MPP7: variants seen among roughly 807,000 people sequenced by gnomAD.
The protein encoded by MPP7 is MAGUK p55 subfamily member 7.
Under a neutral mutation model 76.5 loss-of-function variants are expected in MPP7, and 60 were observed. That is an observed-to-expected ratio of 0.78 (90% CI 0.64 to 0.97). MPP7 has a LOEUF of 0.97. MPP7 is among the 50% of genes least tolerant of loss of function. The pLI, the probability that MPP7 is intolerant of heterozygous loss-of-function variation, is 0.00. For missense variants in MPP7, 641 were observed against 694.0 expected (o/e 0.92, Z 0.86); for synonymous variants, 237 against 244.5 (o/e 0.97, Z 0.29).
At chr10:28,253,317 G>A (rs545249232) in intron 1 of MPP7, among the ~76,000 whole-genome samples, 5 of 152,216 alleles carry the variant, frequency 3.3e-5, no homozygotes, top group African/African-American at 1.2e-4. Flanking sequence ...AATATGAGCT[G>A]GGGAGTTTAA....
chr10:28,238,437 T>G, intron 2 of MPP7, 131 bp downstream of exon 2: 1 of 923,866 alleles, frequency 1.1e-6, no homozygotes, highest in Non-Finnish European at 1.7e-6. Flanking sequence ...TGAGTTGATC[T>G]TATGTCCCTA....
chr10:28,147,466 G>A lies in MPP7; in HGVS notation c.315+17C>T, dbSNP rs1281425404. The A allele has an allele frequency of 2.5e-6, 4 of 1,604,520 alleles. No individual in the cohort carries two copies. The Admixed American group carries it at 5.0e-5, about 20-fold the overall frequency. On this transcript the variant is annotated intron_variant, in intron 5 of 16. Coordinates refer to ENST00000683449, the MANE Select transcript of MPP7 (RefSeq NM_001318170.2). ...CCCTGTTTGAAGGTATTTATTACCG[G>A]CGTAACATGTCCTCACCTTCACATT...
At chr10:28,089,865 T>A in intron 11 of MPP7, 24 bp from the exon 12 acceptor site, 1 of 1,273,842 alleles carries the variant, frequency 7.9e-7, no homozygotes, top group East Asian at 2.5e-5. Flanking sequence ...AATAAATATA[T>A]TTTTAGTAAC....
At chr10:28,315,254 A>C in intron 2 of MPP7, among the ~76,000 whole-genome samples, 2 of 104,770 alleles carry the variant, frequency 1.9e-5, no homozygotes, top group South Asian at 3.2e-4. Context: ...AAAGGAAGGA[A>C]GGGAGGGAGG....
chr10:28,270,473 C>T (rs1321760748), intron 1 of MPP7, among the ~76,000 whole-genome samples: 2 of 139,610 alleles, frequency 1.4e-5, no homozygotes, highest in African/African-American at 2.7e-5. Flanking sequence ...ATCACTTGAG[C>T]GCAGGAATTC....
intron 2 of MPP7, among the ~76,000 whole-genome samples, chr10:28,317,171 G>A (rs1235075144): frequency 2.0e-5 from 3 of 152,096 alleles, no homozygotes; most frequent in East Asian, 3.9e-4. Flanking sequence ...ATTTATACAC[G>A]CTAGAAAAGC....
chr10:28,332,438 T>C (rs1564775105), intron 1 of MPP7, among the ~76,000 whole-genome samples: 1 of 152,200 alleles, frequency 6.6e-6, no homozygotes, highest in Non-Finnish European at 1.5e-5. Context: ...AGTTATTATT[T>C]TACAGTTGGC....
At chr10:28,140,113 G>C (rs1463707979) in intron 5 of MPP7, among the ~76,000 whole-genome samples, 1 of 152,184 alleles carries the variant, frequency 6.6e-6, no homozygotes, top group Non-Finnish European at 1.5e-5. Flanking sequence ...AATGTCCATG[G>C]AAGGTGACCA....
intron 1 of MPP7, among the ~76,000 whole-genome samples, chr10:28,284,073 T>C (rs769091491): frequency 6.6e-6 from 1 of 152,224 alleles, no homozygotes; most frequent in Non-Finnish European, 1.5e-5. Context: ...TGAAATCATT[T>C]ATTAAGTGTA....
chr10:28,301,249 T>C (rs1271511843), intron 1 of MPP7, among the ~76,000 whole-genome samples: 4 of 152,222 alleles, frequency 2.6e-5, no homozygotes, highest in Non-Finnish European at 5.9e-5. Context: ...GTATTTTCCT[T>C]CTGCATATCA....
chr10:28,273,160 C>T (rs1394604787), intron 1 of MPP7, among the ~76,000 whole-genome samples: 1 of 152,162 alleles, frequency 6.6e-6, no homozygotes, highest in Admixed American at 6.5e-5. Flanking sequence ...TCAAGTGATC[C>T]ACCCACCTCG....
chr10:28,296,539 T>C (rs912653509), intron 1 of MPP7, among the ~76,000 whole-genome samples: 3 of 152,226 alleles, frequency 2.0e-5, no homozygotes, highest in Admixed American at 6.5e-5. Flanking sequence ...TCCACTAACA[T>C]TGCCAGTTCT....
intron 1 of MPP7, among the ~76,000 whole-genome samples, chr10:28,271,818 A>T (rs1303874304): frequency 1.3e-5 from 2 of 152,110 alleles, no homozygotes; most frequent in Non-Finnish European, 2.9e-5. Context: ...TACTAAAAAT[A>T]CAAAAAATTA....
intron 3 of MPP7, among the ~76,000 whole-genome samples, chr10:28,191,169 C>G (rs886285629): frequency 3.9e-5 from 6 of 152,096 alleles, no homozygotes; most frequent in Non-Finnish European, 8.8e-5. Flanking sequence ...GCACCAGGTC[C>G]AGATGGCTTC....
chr10:28,280,082 T>G (rs1447331247), intron 1 of MPP7: 1 of 152,062 alleles, frequency 6.6e-6, no homozygotes, highest in African/African-American at 2.4e-5. Flanking sequence ...CTCATTCATA[T>G]TTGACTACAC....
chr10:28,151,313 A>G (rs1351376436), intron 3 of MPP7, among the ~76,000 whole-genome samples: 1 of 152,218 alleles, frequency 6.6e-6, no homozygotes, highest in Non-Finnish European at 1.5e-5. Context: ...ATGTATCATA[A>G]CAAGGTAATA....
chr10:28,123,941 T>A, intron 8 of MPP7, 90 bp downstream of exon 8: 2 of 865,650 alleles, frequency 2.3e-6, no homozygotes, highest in Non-Finnish European at 1.9e-6. Context: ...TTAATACAAA[T>A]CCTGTCTATG....
chr10:28,280,451 T>C (rs904379456), intron 1 of MPP7, among the ~76,000 whole-genome samples: 1 of 152,112 alleles, frequency 6.6e-6, no homozygotes, highest in Non-Finnish European at 1.5e-5. Context: ...CCTGGACATA[T>C]TCAGTACAGA....
intron 5 of MPP7, among the ~76,000 whole-genome samples, chr10:28,143,393 CCTTTT>C (rs1835591114): frequency 6.6e-6 from 1 of 152,110 alleles, no homozygotes; most frequent in South Asian, 2.1e-4. Context: ...ATTTCTGTTT[CCTTTT>C]AAGTCTTTAT....
Sources: allele counts gnomAD v4.1 joint callset (sites outside exome capture counted in the v4.1 genomes callset), GRCh38; gene constraint gnomAD v4.1.1; transcripts MANE v1.5; gene names NCBI Gene and HGNC (gene_info 2026-07-23, HGNC 2026-07-21).